ORMDL1: variants seen among roughly 807,000 people sequenced by gnomAD.
ORMDL1 encodes the protein ORM1-like protein 1.
ORMDL1 carries 10 observed loss-of-function variants against 13.0 expected under a neutral mutation model. The ratio of observed to expected loss-of-function variants is 0.77; its 90% CI spans 0.47 to 1.30. The LOEUF (loss-of-function observed/expected upper bound fraction) is 1.30, where lower values mean the gene tolerates loss of function less well. Among genes scored for constraint, ORMDL1 ranks in the 50% most tolerant of loss-of-function variants. ORMDL1 has a pLI of 0.00. For synonymous variants in ORMDL1, 61 were observed against 63.9 expected, an observed-to-expected ratio of 0.95 and a Z score of 0.22; for missense variants, 171 against 186.7, an observed-to-expected ratio of 0.92 and a Z score of 0.49.
chr2:189,770,006 A>C (rs1469458293), downstream of ORMDL1, among the ~76,000 whole-genome samples: 1 of 152,162 alleles, frequency 6.6e-6, no homozygotes, highest in East Asian at 1.9e-4. Flanking sequence ...CACCAAAGGG[A>C]AGGGAGTTGG....
downstream of ORMDL1, among the ~76,000 whole-genome samples, chr2:189,767,660 T>G (rs925495941): frequency 6.6e-6 from 1 of 152,234 alleles, no homozygotes; most frequent in African/African-American, 2.4e-5. Context: ...CACATACTTA[T>G]GCTGTCTGAG....
chr2:189,764,924 CG>C, the ORMDL1 span: 7 of 152,072 alleles, frequency 4.6e-5, no homozygotes, highest in Admixed American at 4.6e-4. Flanking sequence ...CCTCCACCTC[CG>C]GGGTTCAAGC....
rs1427378889 is a variant in ORMDL1, at chr2:189,770,909, A to G, written c.*858T>C. Reference sequence around the variant, plus strand: ...TTGGCTATATGGTTGTTCCTTTTATATTTCCTTTTTCAAATGATGACAAAC... The same window carrying G: ...TTGGCTATATGGTTGTTCCTTTTATGTTTCCTTTTTCAAATGATGACAAAC... On this transcript the variant is annotated 3_prime_UTR_variant, in exon 5 of 5. Coordinates refer to ENST00000392349, the MANE Select transcript of ORMDL1 (RefSeq NM_016467.5). 1 of 152,132 alleles carries G rather than the reference A, an allele frequency of 6.6e-6. No homozygotes were observed. Among genetic ancestry groups the G allele is most frequent in the Non-Finnish European group, 1.5e-5 (1 of 68,006 alleles). The allele number at this position is 152,132 out of a possible 1,614,324, so 9.4% of individuals were successfully genotyped here.
intron 3 of ORMDL1, among the ~76,000 whole-genome samples, chr2:189,778,895 A>C (rs1469529536): frequency 1.3e-5 from 2 of 150,926 alleles, no homozygotes; most frequent in Non-Finnish European, 3.0e-5. Context: ...ACTCCATCTC[A>C]AAAAAAATAA....
chr2:189,780,018 GAGC>G (rs2047788772), intron 3 of ORMDL1, among the ~76,000 whole-genome samples: 1 of 152,134 alleles, frequency 6.6e-6, no homozygotes, highest in African/African-American at 2.4e-5. Context: ...CAATGCTTTG[GAGC>G]AGAAGTGTTT....
At chr2:189,776,582 G>C (rs111630198) in intron 3 of ORMDL1, among the ~76,000 whole-genome samples, 5,740 of 152,152 alleles carry the variant, frequency 0.038, 156 homozygotes, top group African/African-American at 0.067. Context: ...ACAATGTGAT[G>C]TCATTTTTCC....
intron 3 of ORMDL1, among the ~76,000 whole-genome samples, chr2:189,776,221 T>C (rs1032065877): frequency 3.3e-5 from 5 of 152,182 alleles, no homozygotes; most frequent in Non-Finnish European, 7.4e-5. Flanking sequence ...GCCTTAATAG[T>C]TCTCTTCCAA....
At chr2:189,764,809 C>T in the ORMDL1 span, 1 of 151,840 alleles carries the variant, frequency 6.6e-6, no homozygotes, top group African/African-American at 2.4e-5. Flanking sequence ...ATTATTAATA[C>T]ATATTATATA....
chr2:189,772,727 T>C (rs1363072318), intron 4 of ORMDL1, among the ~76,000 whole-genome samples: 2 of 152,252 alleles, frequency 1.3e-5, no homozygotes, highest in Non-Finnish European at 2.9e-5. Flanking sequence ...TTAGTTTCTA[T>C]TTAGGTCTTT....
chr2:189,771,927 T>C (rs771262347), intron 4 of ORMDL1, 25 bp from the exon 5 acceptor site: 9 of 1,480,558 alleles, frequency 6.1e-6, no homozygotes, highest in Non-Finnish European at 8.2e-6. Context: ...GTTAAGAATA[T>C]ATATAACATC....
chr2:189,782,311 CAA>C, intron 3 of ORMDL1, 109 bp downstream of exon 3: 1 of 995,132 alleles, frequency 1.0e-6, no homozygotes, highest in Non-Finnish European at 1.4e-6. Context: ...CTTGCAAAAC[CAA>C]AAACTCTGTA....
chr2:189,781,016 C>T (rs1295645909), intron 3 of ORMDL1, among the ~76,000 whole-genome samples: 5 of 152,096 alleles, frequency 3.3e-5, no homozygotes, highest in African/African-American at 7.2e-5. Flanking sequence ...CAGGCTCAAG[C>T]GATTCTCCTA....
chr2:189,771,858 A>G lies in ORMDL1; in HGVS notation c.371T>C (p.Phe124Ser). The change falls in exon 5 of 5, where the codon TTC (phenylalanine) becomes TCC (serine). Residue 124 changes from phenylalanine (F) to serine (S), a missense_variant. Transcript: ENST00000392349. ...CAGGAGAGAAGCTGTGTTTAGGATG[A>G]AGTGAGTTGGATCATACTTCGTATA... is the stretch of plus-strand genomic sequence containing the variant. Reference protein sequence around the residue: ...SFYTKYDPTHFILNTASLLSV... With the variant: ...SFYTKYDPTHSILNTASLLSV... 1 of 1,609,324 alleles carries G rather than the reference A, an allele frequency of 6.2e-7. No individual in the cohort carries two copies. The highest frequency in any genetic ancestry group is 1.1e-5 in the South Asian group (1 of 90,772).
At chr2:189,773,169 A>C (rs1485328641) in intron 4 of ORMDL1, among the ~76,000 whole-genome samples, 1 of 152,210 alleles carries the variant, frequency 6.6e-6, no homozygotes, top group African/African-American at 2.4e-5. Flanking sequence ...ATAACCTAGC[A>C]TATGTCCCCT....
In ORMDL1 at chr2:189,772,195, C is replaced by T. The variant is rs2047593471; in HGVS notation, c.327-293G>A. The stretch of plus-strand genomic sequence containing the variant: ...GGCTTATCAAACTAGGGTTCATATG[C>T]CCTCTGTAATTACAGGTGTAGTTCT... On this transcript the variant is annotated intron_variant, in intron 4 of 4. Transcript: ENST00000392349. Among the ~76,000 whole-genome samples the T allele has an allele frequency of 2.0e-5, 3 of 152,192 alleles. No homozygotes were observed. The South Asian group carries it at 6.2e-4, about 32-fold the overall frequency.
At chr2:189,780,341 C>G (rs1459408702) in intron 3 of ORMDL1, among the ~76,000 whole-genome samples, 6 of 152,252 alleles carry the variant, frequency 3.9e-5, no homozygotes, top group African/African-American at 1.4e-4. Context: ...GATGCTCAAC[C>G]TGTATATTAA....
chr2:189,778,524 G>A (rs2047750660), intron 3 of ORMDL1: 3 of 442,950 alleles, frequency 6.8e-6, no homozygotes, highest in Non-Finnish European at 9.1e-6. Flanking sequence ...TGCAGCATGG[G>A]AGTTGTGTAG....
intron 3 of ORMDL1, among the ~76,000 whole-genome samples, chr2:189,780,618 G>A (rs753104168): frequency 2.6e-5 from 4 of 151,938 alleles, no homozygotes; most frequent in Non-Finnish European, 5.9e-5. Context: ...AAGAACCTTG[G>A]GAATAGAAAT....
At chr2:189,766,800 C>CTTTTAAATTTGATT (rs1158968270), downstream of ORMDL1, among the ~76,000 whole-genome samples, 5 of 152,016 alleles carry the variant, frequency 3.3e-5, no homozygotes, top group African/African-American at 1.2e-4. Context: ...TGGCAACCAC[C>CTTTTAAATTTGATT]ATTCCACTTT....
Sources: allele counts gnomAD v4.1 joint callset (sites outside exome capture counted in the v4.1 genomes callset), GRCh38; gene constraint gnomAD v4.1.1; transcripts MANE v1.5; gene names NCBI Gene and HGNC (gene_info 2026-07-23, HGNC 2026-07-21).